Variants in RPL5 observed in about 807,000 individuals in gnomAD.
RPL5 encodes the protein ribosomal protein L5.
Under a neutral mutation model 38.4 loss-of-function variants are expected in RPL5, and 1 was observed. That is an observed-to-expected ratio of 0.03 (90% CI 0.01 to 0.12). The LOEUF is 0.12. Ranked by LOEUF, RPL5 falls within the 10% of genes least tolerant of loss-of-function variation. RPL5 has a pLI of 1.00. For missense variants in RPL5, 243 were observed against 374.1 expected, an observed-to-expected ratio of 0.65 and a Z score of 2.89; for synonymous variants, 109 against 121.2, an observed-to-expected ratio of 0.90 and a Z score of 0.66.
intron 4 of RPL5, 98 bp downstream of exon 4, chr1:92,835,011 G>A: frequency 6.5e-7 from 1 of 1,547,406 alleles, no homozygotes; most frequent in South Asian, 1.1e-5. Context: ...CTTAAGTTGT[G>A]CTTCAGGAGA....
intron 5 of RPL5, 51 bp from the exon 6 acceptor site, chr1:92,837,405 G>A (rs1687172918): frequency 6.7e-7 from 1 of 1,501,290 alleles, no homozygotes; most frequent in African/African-American, 1.4e-5. Flanking sequence ...ATTCTTACTA[G>A]TAAACTAAGT....
In RPL5 at chr1:92,835,978, CAA is replaced by C. The variant is rs575703950; in HGVS notation, c.325-209_325-208del. Among the ~76,000 whole-genome samples, 514 of 151,590 alleles carry C rather than the reference CAA, an allele frequency of 3.4e-3. 3 individuals carry two copies. The highest frequency in any genetic ancestry group is 0.012 in the African/African-American group (482 of 41,340). ...TAGCAAAGATGCAAAAGTCATAAAA[CAA>C]AATTGTTTCAAGTGAAATTGAATGT... On this transcript the variant is annotated intron_variant, in intron 4 of 7. Coordinates refer to ENST00000370321, the MANE Select transcript of RPL5 (RefSeq NM_000969.5).
chr1:92,833,721 A>C, intron 3 of RPL5, 61 bp downstream of exon 3: 9 of 1,319,126 alleles, frequency 6.8e-6, no homozygotes, highest in Non-Finnish European at 9.8e-6. Flanking sequence ...CTTGGGAAGC[A>C]AAGCACATGG....
At position 92,837,571 on chromosome 1, in the gene RPL5, G is replaced by C; in HGVS notation, c.643G>C (p.Asp215His). 1 of 1,612,062 alleles carries C rather than the reference G, an allele frequency of 6.2e-7. No homozygotes were observed. The highest frequency in any genetic ancestry group is 1.1e-5 in the South Asian group (1 of 90,984). The change falls in exon 6 of 8, where the codon GAT becomes CAT. Residue 215 changes from aspartate (D) to histidine (H), a missense_variant. Asp to His is a moderately conservative substitution (Grantham distance 81). Transcript: ENST00000370321. ...TTACATGCGCTACTTAATGGAAGAA[G>C]ATGAAGATGCTTACAAGAAACAGTT... ...ADYMRYLMEE[D>H]EDAYKKQFSQ...
chr1:92,836,441 G>C, intron 5 of RPL5, 49 bp downstream of exon 5: 1 of 1,528,324 alleles, frequency 6.5e-7, no homozygotes, highest in Non-Finnish European at 9.1e-7. Flanking sequence ...GTACTTCCCT[G>C]TTTTTAACTA....
At chr1:92,838,588 A>AT (rs963332754) in intron 6 of RPL5, among the ~76,000 whole-genome samples, 6 of 152,180 alleles carry the variant, frequency 3.9e-5, no homozygotes, top group African/African-American at 1.4e-4. Flanking sequence ...TGGCTCATTA[A>AT]TTTTATCTAC....
chr1:92,836,212 A>T lies in RPL5; in HGVS notation c.347A>T (p.Asp116Val). 1 of 1,612,700 alleles carries T rather than the reference A, an allele frequency of 6.2e-7. No individual in the cohort carries two copies. The highest frequency in any genetic ancestry group is 8.5e-7 in the Non-Finnish European group (1 of 1,179,892). ...ARRLLNRFGMDKIYEGQVEVT... is the reference protein window; with the variant it reads ...ARRLLNRFGMVKIYEGQVEVT... Reference sequence around the variant, plus strand: ...TAGCTTCTCAATAGGTTTGGCATGGACAAGATCTATGAAGGCCAAGTGGAG... The same window carrying T: ...TAGCTTCTCAATAGGTTTGGCATGGTCAAGATCTATGAAGGCCAAGTGGAG... The change falls in exon 5 of 8, where the codon GAC becomes GTC. Residue 116 changes from aspartate to valine, a missense_variant. Coordinates refer to ENST00000370321, the MANE Select transcript of RPL5 (RefSeq NM_000969.5).
chr1:92,833,678 C>A lies in RPL5; in HGVS notation c.189+18C>A. The A allele has an allele frequency of 1.9e-6, 3 of 1,584,638 alleles. No individual in the cohort carries two copies. Among genetic ancestry groups the A allele is most frequent in the Non-Finnish European group, 2.6e-6 (3 of 1,155,080 alleles). On this transcript the variant is annotated intron_variant, in intron 3 of 7. Coordinates refer to ENST00000370321, the MANE Select transcript of RPL5 (RefSeq NM_000969.5). ...TTTGTCAGGTAAGTTGTATTCTAGA[C>A]AGTCCCCTTTTTTTATTGCTAGAGA...
chr1:92,841,690 T>G, intron 7 of RPL5, 76 bp from the exon 8 acceptor site: 1 of 925,814 alleles, frequency 1.1e-6, no homozygotes, highest in Non-Finnish European at 1.5e-6. Context: ...AAAATTAAAT[T>G]TTATTAAAAT....
intron 3 of RPL5, 30 bp downstream of exon 3, chr1:92,833,690 T>C: frequency 1.3e-6 from 2 of 1,555,506 alleles, no homozygotes; most frequent in Non-Finnish European, 1.8e-6. Flanking sequence ...GTCCCCTTTT[T>C]TTATTGCTAG....
chr1:92,838,486 G>GT (rs1213790927), intron 6 of RPL5, among the ~76,000 whole-genome samples: 1 of 152,194 alleles, frequency 6.6e-6, no homozygotes, highest in Non-Finnish European at 1.5e-5. Context: ...CAGACTCCCA[G>GT]TTTGTGCTTT....
intron 3 of RPL5, among the ~76,000 whole-genome samples, chr1:92,834,219 A>G (rs1450698865): frequency 1.3e-5 from 2 of 152,194 alleles, no homozygotes; most frequent in Non-Finnish European, 2.9e-5. Flanking sequence ...CCACTTAACC[A>G]CTGAAAAGGT....
intron 6 of RPL5, chr1:92,837,894 G>T (rs6659942): frequency 0.89 from 426,097 of 479,690 alleles, 190,044 homozygotes; most frequent in East Asian, 0.97. Context: ...CTGCTTTGTT[G>T]GATAAGAGGT....
chr1:92,841,924 A>G lies in RPL5; in HGVS notation c.*59A>G, dbSNP rs565661827. ...GATAATAAACTTATGAACAGCAACT[A>G]TTTCTGTGTTAAGCTCTTATTCTTA... On this transcript the variant is annotated 3_prime_UTR_variant, in exon 8 of 8. Transcript: ENST00000370321. 19 of 1,319,166 alleles carry G rather than the reference A, an allele frequency of 1.4e-5. No homozygotes were observed. In the South Asian group the frequency reaches 1.8e-4, roughly 13 times the overall value. The allele number at this position is 1,319,166 out of a possible 1,614,324, so 81.7% of individuals were successfully genotyped here. A position where few individuals can be genotyped will look rare whatever the true frequency, so the allele number is the denominator to read the frequency against.
At chr1:92,835,691 G>C (rs1056323000) in intron 4 of RPL5, among the ~76,000 whole-genome samples, 2 of 150,134 alleles carry the variant, frequency 1.3e-5, no homozygotes, top group Non-Finnish European at 3.0e-5. Context: ...GAGAATCTTA[G>C]TGTTTTGGAG....
At chr1:92,839,866 G>A (rs1325188203) in intron 6 of RPL5, among the ~76,000 whole-genome samples, 1 of 151,724 alleles carries the variant, frequency 6.6e-6, no homozygotes, top group Non-Finnish European at 1.5e-5. Context: ...TTTGAGGCAG[G>A]ATCTTGTTCT....
At chr1:92,836,573 A>G (rs1687137041) in intron 5 of RPL5, 181 bp downstream of exon 5, 1 of 628,858 alleles carries the variant, frequency 1.6e-6, no homozygotes, top group Non-Finnish European at 2.8e-6. Context: ...TTATAAATTA[A>G]GAGTCTGAGG....
At chr1:92,833,238 C>T (rs1169945319) in intron 1 of RPL5, 151 bp from the exon 2 acceptor site, 6 of 686,458 alleles carry the variant, frequency 8.7e-6, no homozygotes, top group African/African-American at 3.6e-5. Flanking sequence ...AGATTCTTGA[C>T]CCTAGTTGCT....
chr1:92,832,620 G>A lies in RPL5; in HGVS notation c.3+503G>A, dbSNP rs1352837256. ...CGTGGGCTGAGCAAGTGGCTTTTAA[G>A]CCAAAATTGTCAGTGGAGCTTGGAG... is the stretch of plus-strand genomic sequence containing the variant. On this transcript the variant is annotated intron_variant, in intron 1 of 7. Transcript: ENST00000370321. 11 of 304,006 alleles carry A rather than the reference G, an allele frequency of 3.6e-5. No individual in the cohort carries two copies. The South Asian group carries it at 4.2e-4, about 11-fold the overall frequency. The allele number at this position is 304,006 out of a possible 1,614,324, so 18.8% of individuals were successfully genotyped here. A position where few individuals can be genotyped will look rare whatever the true frequency, so the allele number is the denominator to read the frequency against.
Sources: gnomAD v4.1 joint callset for allele counts (sites outside exome capture counted in the v4.1 genomes callset) on GRCh38, gnomAD v4.1.1 for gene constraint, MANE v1.5 for transcripts, NCBI Gene and HGNC (gene_info 2026-07-23, HGNC 2026-07-21) for gene names.